The following SCUBE1 variants were observed in gnomAD, a reference collection of about 807,000 sequenced individuals.
The protein encoded by SCUBE1 is signal peptide, CUB domain and EGF like domain containing 1.
In SCUBE1, 59 loss-of-function variants were observed where a neutral mutation model predicts 124.4. The ratio of observed to expected loss-of-function variants is 0.47; its 90% CI spans 0.38 to 0.59. The LOEUF is 0.59. Ranked by LOEUF, SCUBE1 falls within the 20% of genes least tolerant of loss-of-function variation. SCUBE1 has a pLI of 0.00. For synonymous variants in SCUBE1, 545 were observed against 550.9 expected (o/e 0.99, Z 0.15); for missense variants, 1,150 against 1,371.2 (o/e 0.84, Z 2.55).
intron 3 of SCUBE1, among the ~76,000 whole-genome samples, chr22:43,309,417 G>A (rs760938586): frequency 2.4e-4 from 37 of 152,232 alleles, no homozygotes; most frequent in African/African-American, 7.9e-4. Flanking sequence ...CAGGCAGATC[G>A]ATTTCTGATG....
Position 43,198,885 on chromosome 22 carries a change from GCTGT to G in SCUBE1, c.*5108_*5111del, listed in dbSNP as rs1920962389. 2.6e-6 allele frequency: 1 copy of G among 381,946 alleles called. No individual in the cohort carries two copies. The highest frequency in any genetic ancestry group is 5.2e-6 in the Non-Finnish European group (1 of 192,256). 23.7% of individuals were successfully genotyped at this position (381,946 alleles called of 1,614,324 possible). A position where few individuals can be genotyped will look rare whatever the true frequency, so the allele number is the denominator to read the frequency against. On this transcript the variant is annotated 3_prime_UTR_variant, in exon 22 of 22. Transcript: ENST00000360835. ...GTCTGTCTGCTGTCTGGGGCAGTTT[GCTGT>G]CTGCTTTCCGGGGCAGTTTGTCTGT...
chr22:43,273,853 G>A (rs1056223459), intron 4 of SCUBE1, among the ~76,000 whole-genome samples: 2 of 152,112 alleles, frequency 1.3e-5, no homozygotes, highest in Non-Finnish European at 2.9e-5. Flanking sequence ...GATTACAGGT[G>A]TGAGCCACCA....
At chr22:43,226,253 G>A (rs1409983393) in intron 10 of SCUBE1, among the ~76,000 whole-genome samples, 1 of 152,182 alleles carries the variant, frequency 6.6e-6, no homozygotes, top group Non-Finnish European at 1.5e-5. Context: ...ACACGAACCT[G>A]TAAAGTGCAC....
intron 8 of SCUBE1, 114 bp from the exon 9 acceptor site, chr22:43,229,302 C>A (rs1457879236): frequency 1.3e-6 from 1 of 767,050 alleles, no homozygotes; most frequent in Non-Finnish European, 2.3e-6. Flanking sequence ...AGTCCCTGGG[C>A]GCAGGCGCAG....
At chr22:43,224,979 CGTT>C (rs1922245324) in intron 10 of SCUBE1, among the ~76,000 whole-genome samples, 1 of 152,180 alleles carries the variant, frequency 6.6e-6, no homozygotes, top group Non-Finnish European at 1.5e-5. Flanking sequence ...CTTAGAATAA[CGTT>C]GGTCATTGTG....
intron 2 of SCUBE1, among the ~76,000 whole-genome samples, chr22:43,336,119 CT>C (rs1352361705): frequency 6.6e-6 from 1 of 152,178 alleles, no homozygotes; most frequent in Non-Finnish European, 1.5e-5. Context: ...CCCCAGTGCA[CT>C]ATACTGTGCC....
chr22:43,207,234 C>T (rs950248676), intron 21 of SCUBE1, among the ~76,000 whole-genome samples: 2 of 152,228 alleles, frequency 1.3e-5, no homozygotes, highest in Non-Finnish European at 2.9e-5. Context: ...CCTCATTCTA[C>T]AGATGAGGAG....
chr22:43,276,067 G>A (rs1924502080), intron 4 of SCUBE1: 2 of 152,542 alleles, frequency 1.3e-5, no homozygotes, highest in Admixed American at 6.5e-5. Flanking sequence ...AGCCACACAG[G>A]GGAAGGGTGA....
At chr22:43,331,323 A>G (rs1022634747) in intron 2 of SCUBE1, among the ~76,000 whole-genome samples, 5 of 152,164 alleles carry the variant, frequency 3.3e-5, no homozygotes, top group Non-Finnish European at 7.4e-5. Flanking sequence ...TCCTTTTCAC[A>G]CAAAAAGAGG....
chr22:43,274,284 A>C (rs531490855), intron 4 of SCUBE1, among the ~76,000 whole-genome samples: 111 of 152,344 alleles, frequency 7.3e-4, no homozygotes, highest in Admixed American at 1.2e-3. Flanking sequence ...TCAGGTGGAC[A>C]ATCAATACTT....
chr22:43,307,290 G>T (rs1926006061), intron 3 of SCUBE1, among the ~76,000 whole-genome samples: 1 of 152,226 alleles, frequency 6.6e-6, no homozygotes, highest in Non-Finnish European at 1.5e-5. Context: ...GAGCCCTGAG[G>T]AACAAGTAGG....
chr22:43,280,764 A>AGTCACCCTGTCACCTCCC (rs1569009853), intron 4 of SCUBE1, among the ~76,000 whole-genome samples: 1 of 84,576 alleles, frequency 1.2e-5, no homozygotes, highest in Non-Finnish European at 2.2e-5. Context: ...CACCTCCCTC[A>AGTCACCCTGTCACCTCCC]TTGGCCACCC....
At chr22:43,285,363 C>A (rs912940941) in intron 4 of SCUBE1, among the ~76,000 whole-genome samples, 10 of 152,220 alleles carry the variant, frequency 6.6e-5, no homozygotes, top group African/African-American at 1.9e-4. Context: ...CCACGCCCAC[C>A]TTCCTCTCTT....
At chr22:43,336,352 AC>A (rs1048190438) in intron 2 of SCUBE1, among the ~76,000 whole-genome samples, 3 of 151,756 alleles carry the variant, frequency 2.0e-5, no homozygotes, top group African/African-American at 7.3e-5. Context: ...CCTTCCACAG[AC>A]CCCACACTCC....
At chr22:43,261,556 G>A (rs1163680125) in intron 5 of SCUBE1, among the ~76,000 whole-genome samples, 1 of 152,220 alleles carries the variant, frequency 6.6e-6, no homozygotes, top group African/African-American at 2.4e-5. Flanking sequence ...ACAACTGAGA[G>A]GATCAGTGAC....
chr22:43,328,746 C>T (rs1926808480), intron 2 of SCUBE1, among the ~76,000 whole-genome samples: 1 of 152,170 alleles, frequency 6.6e-6, no homozygotes, highest in Non-Finnish European at 1.5e-5. Context: ...TTCCCTTTCT[C>T]TCCGAATCCC....
chr22:43,259,526 A>G (rs1229052988), intron 5 of SCUBE1, among the ~76,000 whole-genome samples: 1 of 152,232 alleles, frequency 6.6e-6, no homozygotes, highest in Non-Finnish European at 1.5e-5. Context: ...GGCAACTCCC[A>G]GAGAAGGATC....
At chr22:43,252,576 C>T (rs1463255729) in intron 6 of SCUBE1, among the ~76,000 whole-genome samples, 2 of 152,200 alleles carry the variant, frequency 1.3e-5, no homozygotes, top group South Asian at 4.1e-4. Context: ...CTGCCTGTGC[C>T]TGTCCTACCC....
intron 13 of SCUBE1, among the ~76,000 whole-genome samples, chr22:43,220,883 G>A (rs754896189): frequency 4.6e-5 from 7 of 152,196 alleles, no homozygotes; most frequent in Non-Finnish European, 7.3e-5. Context: ...TGCAGACTCG[G>A]CTCTGGGCAG....
Sources: gnomAD v4.1 joint callset for allele counts (sites outside exome capture counted in the v4.1 genomes callset) on GRCh38, gnomAD v4.1.1 for gene constraint, MANE v1.5 for transcripts, NCBI Gene and HGNC (gene_info 2026-07-23, HGNC 2026-07-21) for gene names.